Variants in AP2A1 observed in about 807,000 individuals in gnomAD.
The protein encoded by AP2A1 is adaptor related protein complex 2 subunit alpha 1, also known as AP-2 complex subunit alpha-1.
A neutral mutation model predicts 107.3 loss-of-function variants in AP2A1; 21 were observed. The observed-to-expected ratio is 0.20, with a 90% CI of 0.14 to 0.28. AP2A1 has a LOEUF of 0.28. Ranked by LOEUF, AP2A1 falls within the 10% of genes least tolerant of loss-of-function variation. The probability of loss-of-function intolerance (pLI) is 1.00; values close to 1 mark genes in which losing one functional copy is unlikely to be tolerated. For synonymous variants in AP2A1, 602 were observed against 564.8 expected (o/e 1.07, Z -0.93); for missense variants, 873 against 1,307.7 (o/e 0.67, Z 5.13).
chr19:49,799,995 A>G lies in AP2A1; in HGVS notation c.1300A>G (p.Lys434Glu). 6.2e-7 allele frequency: 1 copy of G among 1,613,906 alleles called. No homozygotes were observed. The highest frequency in any genetic ancestry group is 8.5e-7 in the Non-Finnish European group (1 of 1,179,774). ...IVLKVAILAE[K>E]YAVDYSWYVD... ...CCTGAAGGTGGCCATCCTGGCCGAG[A>G]AGTACGCCGTGGACTACAGCTGGTA... Residue 434 changes from lysine (K) to glutamate (E), a missense_variant, in exon 11 of 23, where the codon AAG becomes GAG. Coordinates refer to ENST00000354293, the MANE Select transcript of AP2A1 (RefSeq NM_130787.3).
In AP2A1 at chr19:49,807,102, A is replaced by G. The variant is rs1253067432; in HGVS notation, c.*344A>G. On this transcript the variant is annotated 3_prime_UTR_variant, in exon 23 of 23. Coordinates refer to ENST00000354293, the MANE Select transcript of AP2A1 (RefSeq NM_130787.3). The stretch of plus-strand genomic sequence containing the variant: ...TGTATTATTGTGAGCGAATAAACAG[A>G]GAGACGCTAACAGCCCCATGTCTGT... 1 of 1,608,702 alleles carries G rather than the reference A, an allele frequency of 6.2e-7. No individual in the cohort carries two copies. The highest frequency in any genetic ancestry group is 2.2e-5 in the East Asian group (1 of 44,634).
chr19:49,780,818 G>T (rs1023638839), intron 1 of AP2A1, among the ~76,000 whole-genome samples: 2 of 152,150 alleles, frequency 1.3e-5, no homozygotes, highest in Non-Finnish European at 2.9e-5. Flanking sequence ...TAAGGTCACA[G>T]TGAGCTATGA....
At chr19:49,793,898 C>CTT (rs956804227) in intron 6 of AP2A1, among the ~76,000 whole-genome samples, 1,641 of 74,596 alleles carry the variant, frequency 0.022, 273 homozygotes, top group African/African-American at 0.031. Flanking sequence ...CTCATTGTTT[C>CTT]TTTTTTTTTT....
chr19:49,768,535 G>A (rs932960218), intron 1 of AP2A1, among the ~76,000 whole-genome samples: 5 of 152,064 alleles, frequency 3.3e-5, no homozygotes, highest in African/African-American at 7.2e-5. Flanking sequence ...TTTTTACTCC[G>A]TTGGCTCTGA....
In AP2A1 at chr19:49,806,926, G is replaced by A; in HGVS notation, c.*168G>A. 1.3e-6 allele frequency: 2 copies of A among 1,535,210 alleles called. No homozygotes were observed. The highest frequency in any genetic ancestry group is 1.7e-6 in the Non-Finnish European group (2 of 1,146,884). On this transcript the variant is annotated 3_prime_UTR_variant, in exon 23 of 23. Coordinates refer to ENST00000354293, the MANE Select transcript of AP2A1 (RefSeq NM_130787.3). Reference sequence around the variant, plus strand: ...GTATTTTTATTTTTGTTCATCTGCTGCTGTTTACATTCTGGGGGGTTAGGG... The same window carrying A: ...GTATTTTTATTTTTGTTCATCTGCTACTGTTTACATTCTGGGGGGTTAGGG...
At position 49,774,170 on chromosome 19, in the gene AP2A1, G is replaced by A. The variant is rs568843081; in HGVS notation, c.67+6970G>A. Among the ~76,000 whole-genome samples the A allele has an allele frequency of 2.0e-5, 3 of 152,274 alleles. No individual in the cohort carries two copies. The East Asian group carries it at 5.8e-4, about 29-fold the overall frequency. On this transcript the variant is annotated intron_variant, in intron 1 of 22. Transcript: ENST00000354293. ...GCAGGCCTGAGCCCCAGCCCCACCC[G>A]TTTCCAGCTGGTTATTGTGTGATGG...
intron 11 of AP2A1, among the ~76,000 whole-genome samples, chr19:49,800,492 C>T (rs1435722931): frequency 6.6e-6 from 1 of 152,204 alleles, no homozygotes; most frequent in Non-Finnish European, 1.5e-5. Flanking sequence ...GAGTCTCACT[C>T]TGTTGCCCAG....
In AP2A1 at chr19:49,801,427, C is replaced by T. The variant is rs780633861; in HGVS notation, c.1591C>T (p.His531Tyr). 6.2e-7 allele frequency: 1 copy of T among 1,613,774 alleles called. No homozygotes were observed. The highest frequency in any genetic ancestry group is 8.5e-7 in the Non-Finnish European group (1 of 1,179,828). ...VQFSLLHSKF[H>Y]LCSVATRALL... ...GTTCTCCCTGCTCCACTCCAAGTTC[C>T]ATCTGTGCAGCGTGGCCACGCGGGC... Residue 531 changes from histidine to tyrosine, a missense_variant, in exon 13 of 23, where the codon CAT (histidine) becomes TAT (tyrosine). Physicochemically the swap from His to Tyr is moderately conservative, Grantham distance 83. Transcript: ENST00000354293.
chr19:49,769,267 A>G (rs56200576), intron 1 of AP2A1, among the ~76,000 whole-genome samples: 1 of 145,720 alleles, frequency 6.9e-6, no homozygotes, highest in Non-Finnish European at 1.5e-5. Context: ...ATAAAAAAAA[A>G]GAAAAAGAAA....
At chr19:49,789,305 T>C (rs2076723662) in intron 4 of AP2A1, among the ~76,000 whole-genome samples, 1 of 152,170 alleles carries the variant, frequency 6.6e-6, no homozygotes, top group Non-Finnish European at 1.5e-5. Flanking sequence ...TTCTGTTTTT[T>C]TTTGAGACGG....
chr19:49,803,186 C>T lies in AP2A1; in HGVS notation c.2251C>T (p.Leu751=). Residue 751 remains leucine, a synonymous_variant, in exon 17 of 23, where the codon CTG becomes TTG. Coordinates refer to ENST00000354293, the MANE Select transcript of AP2A1 (RefSeq NM_130787.3). ...IGVKSEFRQN[L]GRMYLFYGNK... is the part of the protein sequence containing the mutation. ...AGTCAAGTCAGAGTTCCGACAGAACCTGGGTGTGTCCCGGGGGACTGTGGG... is the reference window on the plus strand; with the variant it reads ...AGTCAAGTCAGAGTTCCGACAGAACTTGGGTGTGTCCCGGGGGACTGTGGG... 1 of 1,614,004 alleles carries T rather than the reference C, an allele frequency of 6.2e-7. No homozygotes were observed. The highest frequency in any genetic ancestry group is 8.5e-7 in the Non-Finnish European group (1 of 1,179,884).
chr19:49,800,843 A>T, intron 11 of AP2A1, 118 bp from the exon 12 acceptor site: 1 of 808,548 alleles, frequency 1.2e-6, no homozygotes, highest in Non-Finnish European at 1.9e-6. Context: ...TTTCCCACCT[A>T]TAACCCCACC....
rs576844025 is a variant in AP2A1 at position 49,793,768 on chromosome 19, G to T, written c.705+676G>T. 2.2e-4 allele frequency among the ~76,000 whole-genome samples: 33 copies of T among 152,252 alleles called. No individual in the cohort carries two copies. The South Asian group carries it at 5.4e-3, about 25-fold the overall frequency. ...TAACACAGCCTGTGAGTCCACGAAG[G>T]CTTCCTGGGGGCGGCGATCCCAGAA... On this transcript the variant is annotated intron_variant, in intron 6 of 22. Transcript: ENST00000354293.
intron 11 of AP2A1, 200 bp from the exon 12 acceptor site, chr19:49,800,761 G>C (rs186111632): frequency 1.9e-6 from 1 of 514,490 alleles, no homozygotes; most frequent in African/African-American, 2.0e-5. Context: ...ATGAGCCACT[G>C]CTTCCGGCCC....
rs1024916459 is a variant in AP2A1, at chr19:49,788,599, C to T, written c.474-3336C>T. Among the ~76,000 whole-genome samples, 3 of 143,336 alleles carry T rather than the reference C, an allele frequency of 2.1e-5. No homozygotes were observed. The East Asian group carries it at 6.1e-4, about 29-fold the overall frequency. The allele number at this position is 143,336 out of a possible 152,430, so 94.0% of individuals were successfully genotyped here. On this transcript the variant is annotated intron_variant, in intron 4 of 22. Transcript: ENST00000354293. This position sits in a 1 kb window ranked among gnomAD's most constrained non-coding sequence, Gnocchi z 4.5. Reference sequence around the variant, plus strand: ...GCTCAGGAGATGTGCGCCGTGGCAGCGATGGGAAAGTGGCCCAGAGTCAGG... The same window carrying T: ...GCTCAGGAGATGTGCGCCGTGGCAGTGATGGGAAAGTGGCCCAGAGTCAGG...
At chr19:49,773,492 TTGAATGAA>T (rs887671893) in intron 1 of AP2A1, among the ~76,000 whole-genome samples, 1 of 152,238 alleles carries the variant, frequency 6.6e-6, no homozygotes. Context: ...TGATTGCCAG[TTGAATGAA>T]TGAATGAATG....
At chr19:49,790,277 C>G (rs2073125605) in intron 4 of AP2A1, among the ~76,000 whole-genome samples, 1 of 152,212 alleles carries the variant, frequency 6.6e-6, no homozygotes, top group African/African-American at 2.4e-5. Context: ...TCTCTCCTGC[C>G]TGACCTCTGT....
chr19:49,773,427 G>C (rs1440884896), intron 1 of AP2A1, among the ~76,000 whole-genome samples: 1 of 152,194 alleles, frequency 6.6e-6, no homozygotes, highest in Non-Finnish European at 1.5e-5. Flanking sequence ...CAGGCCCTGG[G>C]TCTCACTCCA....
In AP2A1 at chr19:49,805,792, G is replaced by T. The variant is rs746814491; in HGVS notation, c.2585+15G>T. On this transcript the variant is annotated intron_variant, in intron 20 of 22. Coordinates refer to ENST00000354293, the MANE Select transcript of AP2A1 (RefSeq NM_130787.3). Reference sequence around the variant, plus strand: ...CAGCTGAGCCTGTGAGGGGTGGGGAGGGGGCGGAGCCAAAGCCGCGCCTCT... The same window carrying T: ...CAGCTGAGCCTGTGAGGGGTGGGGATGGGGCGGAGCCAAAGCCGCGCCTCT... 6.2e-7 allele frequency: 1 copy of T among 1,608,312 alleles called. No individual in the cohort carries two copies. Among genetic ancestry groups the T allele is most frequent in the Non-Finnish European group, 8.5e-7 (1 of 1,177,608 alleles).
Sources: allele counts gnomAD v4.1 joint callset (sites outside exome capture counted in the v4.1 genomes callset), GRCh38; gene constraint gnomAD v4.1.1; non-coding constraint Gnocchi (gnomAD v3.1); transcripts MANE v1.5; gene names NCBI Gene and HGNC (gene_info 2026-07-23, HGNC 2026-07-21).